BPIFC: variants seen among roughly 807,000 people sequenced by gnomAD.
BPIFC encodes BPI fold containing family C, also known as BPI fold-containing family C protein.
BPIFC carries 60 observed loss-of-function variants against 57.6 expected under a neutral mutation model. The ratio of observed to expected loss-of-function variants is 1.04; its 90% CI spans 0.85 to 1.29. The LOEUF (loss-of-function observed/expected upper bound fraction) is 1.29. Among genes scored for constraint, BPIFC ranks in the 50% most tolerant of loss-of-function variants. The pLI, the probability that BPIFC is intolerant of heterozygous loss-of-function variation, is 0.00. For missense variants in BPIFC, 581 were observed against 600.5 expected, an observed-to-expected ratio of 0.97 and a Z score of 0.34; for synonymous variants, 243 against 224.5, an observed-to-expected ratio of 1.08 and a Z score of -0.74.
intron 1 of BPIFC, among the ~76,000 whole-genome samples, chr22:32,464,173 C>CT (rs1269953136): frequency 6.6e-6 from 1 of 152,150 alleles, no homozygotes; most frequent in Non-Finnish European, 1.5e-5. Flanking sequence ...GTCACTAAAG[C>CT]TTTTGCCTAA....
intron 5 of BPIFC, chr22:32,446,770 G>T (rs1323274186): frequency 1.0e-6 from 1 of 985,270 alleles, no homozygotes; most frequent in Non-Finnish European, 1.2e-6. Flanking sequence ...GGGTGCAAAG[G>T]CCTTCCAGTT....
At position 32,442,675 on chromosome 22, in the gene BPIFC, C is replaced by G. The variant is rs759970405; in HGVS notation, c.651G>C (p.Leu217=). ...VKALNANLST[L]EVLTKIDNYT... is the part of the protein sequence containing the mutation. ...AAAGACAGTTCTAAGACTCACCCTC[C>G]AGTGTGCTGAGGTTGGCATTTAGCG... The change falls in exon 8 of 17, where the codon CTG becomes CTC. Residue 217 remains leucine, a synonymous_variant. Coordinates refer to ENST00000300399, the MANE Select transcript of BPIFC (RefSeq NM_174932.3). 1 of 1,613,378 alleles carries G rather than the reference C, an allele frequency of 6.2e-7. No individual in the cohort carries two copies. The highest frequency in any genetic ancestry group is 1.1e-5 in the South Asian group (1 of 91,022).
chr22:32,429,976 T>C (rs1934193780), intron 13 of BPIFC, among the ~76,000 whole-genome samples: 1 of 152,214 alleles, frequency 6.6e-6, no homozygotes, highest in African/African-American at 2.4e-5. Flanking sequence ...AATCTTTCTG[T>C]AAATTCTCCC....
chr22:32,447,445 T>A, intron 4 of BPIFC, 105 bp from the exon 5 acceptor site: 3 of 1,392,566 alleles, frequency 2.2e-6, no homozygotes, highest in Non-Finnish European at 9.7e-7. Context: ...GAGGCCATTG[T>A]GAACTCCTAC....
chr22:32,461,763 A>G, intron 1 of BPIFC, 102 bp from the exon 2 acceptor site: 1 of 417,890 alleles, frequency 2.4e-6, no homozygotes, highest in South Asian at 1.0e-4. Context: ...GCATTTCCAC[A>G]TTTTAACATA....
chr22:32,420,090 G>A (rs1933800285), intron 13 of BPIFC, among the ~76,000 whole-genome samples: 1 of 152,082 alleles, frequency 6.6e-6, no homozygotes, highest in Non-Finnish European at 1.5e-5. Context: ...GGCCGAGGCG[G>A]GCGGATCATG....
intron 11 of BPIFC, among the ~76,000 whole-genome samples, chr22:32,433,056 A>G (rs1158707536): frequency 1.3e-5 from 2 of 152,152 alleles, no homozygotes; most frequent in Admixed American, 6.5e-5. Flanking sequence ...TAGAAAAATT[A>G]GCTGGGCATA....
In BPIFC at chr22:32,445,828, G is replaced by T; in HGVS notation, c.530+13C>A. ...CCTAACTAGCCACTGCCCAACCCAGGGCTCTCATTCACCTGAGTTCTCCGG... is the reference window on the plus strand; with the variant it reads ...CCTAACTAGCCACTGCCCAACCCAGTGCTCTCATTCACCTGAGTTCTCCGG... On this transcript the variant is annotated intron_variant, in intron 6 of 16. Transcript: ENST00000300399. The T allele has an allele frequency of 1.2e-6, 2 of 1,613,256 alleles. No individual in the cohort carries two copies. Among genetic ancestry groups the T allele is most frequent in the South Asian group, 1.1e-5 (1 of 91,004 alleles).
At chr22:32,431,107 G>T (rs1402035168) in intron 13 of BPIFC, among the ~76,000 whole-genome samples, 1 of 149,852 alleles carries the variant, frequency 6.7e-6, no homozygotes, top group Non-Finnish European at 1.5e-5. Flanking sequence ...TTCACACAAT[G>T]GTTAACGTCC....
At position 32,457,517 on chromosome 22, in the gene BPIFC, C is replaced by A. The variant is rs370869508; in HGVS notation, c.1-131G>T. The A allele has an allele frequency of 7.1e-6, 7 of 984,568 alleles. No homozygotes were observed. The East Asian group carries it at 1.9e-4, about 27-fold the overall frequency. 61.0% of individuals were successfully genotyped at this position (984,568 alleles called of 1,614,324 possible). The stretch of plus-strand genomic sequence containing the variant: ...AACTCAATACATCCATCCAATCCAT[C>A]CATTCATCCATCCATCCATCCATCC... On this transcript the variant is annotated intron_variant, in intron 2 of 16. Transcript: ENST00000300399.
chr22:32,430,139 C>T (rs956533022), intron 13 of BPIFC, among the ~76,000 whole-genome samples: 1 of 152,184 alleles, frequency 6.6e-6, no homozygotes, highest in East Asian at 1.9e-4. Flanking sequence ...ATGCATTTGA[C>T]AGTCAGACAG....
intron 7 of BPIFC, among the ~76,000 whole-genome samples, chr22:32,444,421 G>A (rs1445010486): frequency 1.3e-5 from 2 of 152,116 alleles, no homozygotes; most frequent in Non-Finnish European, 2.9e-5. Flanking sequence ...GTCAAGCACC[G>A]AGCTGAGCAC....
At chr22:32,460,661 T>A (rs1478154714) in intron 2 of BPIFC, among the ~76,000 whole-genome samples, 1 of 152,254 alleles carries the variant, frequency 6.6e-6, no homozygotes, top group South Asian at 2.1e-4. Flanking sequence ...GCAGAAACCG[T>A]GCATATCCCT....
intron 13 of BPIFC, among the ~76,000 whole-genome samples, chr22:32,420,274 C>T (rs1434576511): frequency 2.7e-5 from 4 of 149,484 alleles, no homozygotes; most frequent in East Asian, 2.0e-4. Flanking sequence ...GCAGAGATCG[C>T]GCCACTGCAC....
rs142103546 is a variant in BPIFC at position 32,431,381 on chromosome 22, C to T, written c.1183G>A (p.Gly395Arg). Residue 395 changes from glycine to arginine, a missense_variant, in exon 13 of 17, where the codon GGA becomes AGA. Gly to Arg is a moderately radical substitution (Grantham distance 125). Coordinates refer to ENST00000300399, the MANE Select transcript of BPIFC (RefSeq NM_174932.3). ...ASTSVGLVILGQRLVCSLSLN... is the reference protein window; with the variant it reads ...ASTSVGLVILRQRLVCSLSLN... ...GACAAGGAGCAGACCAGTCTTTGTC[C>T]CAAAATAACCAGGCCAACACTGGTA... is the stretch of plus-strand genomic sequence containing the variant. 212 of 1,611,974 alleles carry T rather than the reference C, an allele frequency of 1.3e-4. No homozygotes were observed. The African/African-American group carries it at 2.4e-3, about 18-fold the overall frequency.
chr22:32,433,846 C>G (rs1045677892), intron 10 of BPIFC, 74 bp from the exon 11 acceptor site: 20 of 1,310,934 alleles, frequency 1.5e-5, no homozygotes, highest in Non-Finnish European at 2.2e-5. Flanking sequence ...TGTAGTGTTC[C>G]CTATAATTTG....
chr22:32,434,575 A>G lies in BPIFC; in HGVS notation c.925-803T>C, dbSNP rs562503324. ...TCTTCACTTATATATATTACAATCT[A>G]TCTATGTATACATATTCTACAGTCA... On this transcript the variant is annotated intron_variant, in intron 10 of 16. Transcript: ENST00000300399. Among the ~76,000 whole-genome samples the G allele has an allele frequency of 2.6e-5, 4 of 151,930 alleles. No homozygotes were observed. In the South Asian group the frequency reaches 6.2e-4, roughly 24 times the overall value.
chr22:32,430,079 G>A (rs1934197563), intron 13 of BPIFC, among the ~76,000 whole-genome samples: 1 of 152,176 alleles, frequency 6.6e-6, no homozygotes, highest in Non-Finnish European at 1.5e-5. Context: ...GCACTTAGTG[G>A]TCAATGATCT....
In BPIFC at chr22:32,446,016, G is replaced by C. The variant is rs73884917; in HGVS notation, c.375-20C>G. ...TCTTGGCTGTTTAAAGAAGTGCAAG[G>C]TTATCCAAGCCTGAGTCAGGCACAG... is the stretch of plus-strand genomic sequence containing the variant. On this transcript the variant is annotated intron_variant, in intron 5 of 16. Coordinates refer to ENST00000300399, the MANE Select transcript of BPIFC (RefSeq NM_174932.3). The C allele has an allele frequency of 6.2e-7, 1 of 1,612,556 alleles. No homozygotes were observed. Among genetic ancestry groups the C allele is most frequent in the Non-Finnish European group, 8.5e-7 (1 of 1,179,016 alleles).
Sources: gnomAD v4.1 joint callset for allele counts (sites outside exome capture counted in the v4.1 genomes callset) on GRCh38, gnomAD v4.1.1 for gene constraint, MANE v1.5 for transcripts, NCBI Gene and HGNC (gene_info 2026-07-23, HGNC 2026-07-21) for gene names.